Variants in GSK3B observed in about 807,000 individuals in gnomAD.
The protein encoded by GSK3B is glycogen synthase kinase 3 beta, also known as glycogen synthase kinase-3 beta.
Under a neutral mutation model 56.4 loss-of-function variants are expected in GSK3B, and 15 were observed. That is an observed-to-expected ratio of 0.27 (90% CI 0.18 to 0.41). The LOEUF (loss-of-function observed/expected upper bound fraction) is 0.41, where lower values mean the gene tolerates loss of function less well. GSK3B is among the 10% of genes least tolerant of loss of function. GSK3B has a pLI of 1.00. For synonymous variants in GSK3B, 181 were observed against 188.9 expected (o/e 0.96, Z 0.34); for missense variants, 300 against 513.4 (o/e 0.58, Z 4.02).
intron 2 of GSK3B, among the ~76,000 whole-genome samples, chr3:119,978,701 G>A (rs768804727): frequency 2.6e-5 from 4 of 151,188 alleles, no homozygotes; most frequent in Non-Finnish European, 4.4e-5. Context: ...TCTCCCTCGT[G>A]CGGCTGCAGT....
intron 8 of GSK3B, among the ~76,000 whole-genome samples, chr3:119,864,304 C>G (rs1239354964): frequency 3.9e-5 from 6 of 152,066 alleles, no homozygotes; most frequent in Non-Finnish European, 8.8e-5. Context: ...AAAAAGTCAA[C>G]TGAAGGCTAT....
chr3:119,919,520 A>C (rs1174795827), intron 4 of GSK3B, among the ~76,000 whole-genome samples: 1 of 145,140 alleles, frequency 6.9e-6, no homozygotes, highest in Non-Finnish European at 1.5e-5. Context: ...GTTACATAAG[A>C]AAAAAAAAAA....
intron 9 of GSK3B, among the ~76,000 whole-genome samples, chr3:119,858,194 T>C (rs1470264420): frequency 6.6e-6 from 1 of 152,160 alleles, no homozygotes; most frequent in African/African-American, 2.4e-5. Flanking sequence ...TCTTAGCCCA[T>C]AACAAATGAG....
At chr3:120,046,361 A>G (rs1230089513) in intron 1 of GSK3B, among the ~76,000 whole-genome samples, 1 of 152,162 alleles carries the variant, frequency 6.6e-6, no homozygotes, top group Non-Finnish European at 1.5e-5. Flanking sequence ...GTAACCGGGA[A>G]AAATGTACCA....
rs557238177 is a variant in GSK3B at position 119,888,327 on chromosome 3, T to G, written c.814-11819A>C. ...AAATTGTGAAGATTTCATTTTAATATGGACATTTATCAGTTCCCAAATAAT... is the reference window on the plus strand; with the variant it reads ...AAATTGTGAAGATTTCATTTTAATAGGGACATTTATCAGTTCCCAAATAAT... On this transcript the variant is annotated intron_variant, in intron 7 of 10. Coordinates refer to ENST00000264235, the MANE Select transcript of GSK3B (RefSeq NM_001146156.2). 2.1e-3 allele frequency among the ~76,000 whole-genome samples: 316 copies of G among 152,300 alleles called. 1 individual carries two copies. The highest frequency in any genetic ancestry group is 6.8e-3 in the Middle Eastern group (2 of 294).
intron 2 of GSK3B, among the ~76,000 whole-genome samples, chr3:119,996,369 G>A (rs2057617978): frequency 6.6e-6 from 1 of 152,140 alleles, no homozygotes; most frequent in Non-Finnish European, 1.5e-5. Context: ...CTGTCAATAA[G>A]TACATATAAA....
At chr3:120,088,454 T>C (rs1002558105) in intron 1 of GSK3B, among the ~76,000 whole-genome samples, 3 of 152,234 alleles carry the variant, frequency 2.0e-5, no homozygotes, top group African/African-American at 7.2e-5. Context: ...TATACATTTA[T>C]ACATTACACT....
chr3:120,063,309 T>C (rs879939014), intron 1 of GSK3B, among the ~76,000 whole-genome samples: 29 of 152,300 alleles, frequency 1.9e-4, no homozygotes, highest in Admixed American at 1.2e-3. Context: ...AATATCTTTA[T>C]GATAAAAATG....
At chr3:119,982,781 CT>C (rs1366004690) in intron 2 of GSK3B, among the ~76,000 whole-genome samples, 1 of 152,184 alleles carries the variant, frequency 6.6e-6, no homozygotes, top group South Asian at 2.1e-4. Context: ...GGAAAACACT[CT>C]GCAGGATATT....
chr3:119,845,419 T>C (rs895660700), intron 9 of GSK3B, among the ~76,000 whole-genome samples: 2 of 152,208 alleles, frequency 1.3e-5, no homozygotes, highest in African/African-American at 2.4e-5. Flanking sequence ...GAAAACCCCA[T>C]CGCCTCAGCC....
chr3:120,031,105 T>A (rs1452858147), intron 1 of GSK3B, among the ~76,000 whole-genome samples: 1 of 152,234 alleles, frequency 6.6e-6, no homozygotes, highest in African/African-American at 2.4e-5. Context: ...TATCATACAA[T>A]GCAAAAATTA....
intron 2 of GSK3B, among the ~76,000 whole-genome samples, chr3:119,953,514 G>C (rs2057179439): frequency 6.6e-6 from 1 of 152,134 alleles, no homozygotes; most frequent in African/African-American, 2.4e-5. Context: ...CAGTAACCAA[G>C]AGAGATGGAG....
At chr3:119,906,126 TAGAC>T (rs2056679887) in intron 6 of GSK3B, among the ~76,000 whole-genome samples, 1 of 152,132 alleles carries the variant, frequency 6.6e-6, no homozygotes, top group African/African-American at 2.4e-5. Flanking sequence ...TTCAAATAAC[TAGAC>T]AGAGGATTAC....
At chr3:119,852,689 C>T (rs1338884313) in intron 9 of GSK3B, among the ~76,000 whole-genome samples, 3 of 152,104 alleles carry the variant, frequency 2.0e-5, no homozygotes, top group African/African-American at 4.8e-5. Context: ...TGAGGCATTA[C>T]CAAGTTTTTC....
At chr3:119,931,734 A>G (rs968971803) in intron 3 of GSK3B, among the ~76,000 whole-genome samples, 1 of 152,230 alleles carries the variant, frequency 6.6e-6, no homozygotes, top group Non-Finnish European at 1.5e-5. Context: ...CTAACCTCAA[A>G]TAACTGATAC....
intron 7 of GSK3B, among the ~76,000 whole-genome samples, chr3:119,891,857 G>C (rs1437688593): frequency 6.6e-6 from 1 of 152,082 alleles, no homozygotes; most frequent in Non-Finnish European, 1.5e-5. Flanking sequence ...TTCATTTGTT[G>C]CAAAAAGCAT....
At chr3:119,938,822 G>A (rs1300778809) in intron 3 of GSK3B, among the ~76,000 whole-genome samples, 1 of 152,004 alleles carries the variant, frequency 6.6e-6, no homozygotes, top group Admixed American at 6.6e-5. Context: ...TATCTGGGCT[G>A]AGCCTATTTT....
chr3:119,822,773 C>A lies in GSK3B; in HGVS notation c.*4015G>T, dbSNP rs1322895427. ...GGCTCTGTGATTAGATGATCACTAACATGAACAGTAGGAATCAGATACAAT... is the reference window on the plus strand; with the variant it reads ...GGCTCTGTGATTAGATGATCACTAAAATGAACAGTAGGAATCAGATACAAT... On this transcript the variant is annotated 3_prime_UTR_variant, in exon 11 of 11. Transcript: ENST00000264235. The A allele has an allele frequency of 4.4e-6, 1 of 228,308 alleles. No homozygotes were observed. The highest frequency in any genetic ancestry group is 6.3e-5 in the East Asian group (1 of 15,956). 14.1% of individuals were successfully genotyped at this position (228,308 alleles called of 1,614,324 possible).
chr3:119,935,542 C>T (rs2056985843), intron 3 of GSK3B, among the ~76,000 whole-genome samples: 1 of 152,126 alleles, frequency 6.6e-6, no homozygotes, highest in African/African-American at 2.4e-5. Context: ...ACTTTATATA[C>T]CAGCAATTTC....
Sources: allele counts gnomAD v4.1 joint callset (sites outside exome capture counted in the v4.1 genomes callset), GRCh38; gene constraint gnomAD v4.1.1; transcripts MANE v1.5; gene names NCBI Gene and HGNC (gene_info 2026-07-23, HGNC 2026-07-21).